The following RNGTT variants were observed in gnomAD, a reference collection of about 807,000 sequenced individuals.
The protein encoded by RNGTT is mRNA-capping enzyme.
In RNGTT, 33 loss-of-function variants were observed where a neutral mutation model predicts 79.3. The ratio of observed to expected loss-of-function variants is 0.42; its 90% confidence interval spans 0.32 to 0.56. The LOEUF (loss-of-function observed/expected upper bound fraction) is 0.56. RNGTT is among the 20% of genes least tolerant of loss of function. The probability of loss-of-function intolerance (pLI) is 0.17; values close to 1 mark genes in which losing one functional copy is unlikely to be tolerated. For missense variants in RNGTT, 497 were observed against 739.1 expected (o/e 0.67, Z 3.80); for synonymous variants, 222 against 235.9 (o/e 0.94, Z 0.54).
intron 11 of RNGTT, 101 bp downstream of exon 11, chr6:88,844,256 A>G: frequency 8.8e-7 from 1 of 1,141,536 alleles, no homozygotes; most frequent in Admixed American, 2.4e-5. Flanking sequence ...ATTTTCTGAC[A>G]AAGTCAAGAC....
chr6:88,700,559 A>T (rs1186086748), intron 13 of RNGTT, among the ~76,000 whole-genome samples: 1 of 152,152 alleles, frequency 6.6e-6, no homozygotes, highest in African/African-American at 2.4e-5. Flanking sequence ...AAGGTCAGGA[A>T]AGGTTATTAT....
At chr6:88,926,947 G>GA (rs1333446477) in intron 4 of RNGTT, among the ~76,000 whole-genome samples, 1 of 152,086 alleles carries the variant, frequency 6.6e-6, no homozygotes, top group African/African-American at 2.4e-5. Flanking sequence ...GAAAGTTGCT[G>GA]ATGTTTTCTT....
intron 11 of RNGTT, among the ~76,000 whole-genome samples, chr6:88,822,808 C>T (rs1780536408): frequency 6.6e-6 from 1 of 152,156 alleles, no homozygotes. Flanking sequence ...ATTTATAATA[C>T]AGTGATTTAA....
chr6:88,653,774 A>G (rs1582283815), intron 14 of RNGTT, among the ~76,000 whole-genome samples: 1 of 152,368 alleles, frequency 6.6e-6, no homozygotes, highest in South Asian at 2.1e-4. Flanking sequence ...TTCTTCAATT[A>G]TAATGTTAAG....
At chr6:88,678,786 C>A (rs1774980688) in intron 13 of RNGTT, among the ~76,000 whole-genome samples, 1 of 151,732 alleles carries the variant, frequency 6.6e-6, no homozygotes, top group South Asian at 2.1e-4. Flanking sequence ...ATAACGAGAC[C>A]CCATCTCAAA....
intron 13 of RNGTT, among the ~76,000 whole-genome samples, chr6:88,738,807 A>G (rs1212975808): frequency 2.0e-5 from 3 of 151,378 alleles, no homozygotes; most frequent in Non-Finnish European, 4.4e-5. Context: ...TAAATTTAAA[A>G]CTGTTCTGGA....
chr6:88,923,989 G>A (rs1004347936), intron 4 of RNGTT, among the ~76,000 whole-genome samples: 1 of 152,190 alleles, frequency 6.6e-6, no homozygotes, highest in Non-Finnish European at 1.5e-5. Context: ...GGAGAGGAAG[G>A]GGAAGCCACC....
intron 11 of RNGTT, among the ~76,000 whole-genome samples, chr6:88,809,168 G>A (rs1780055129): frequency 6.6e-6 from 1 of 152,034 alleles, no homozygotes; most frequent in African/African-American, 2.4e-5. Context: ...TACTGACAAA[G>A]GGGGTCAATT....
chr6:88,769,362 G>C (rs1778572872), intron 13 of RNGTT, among the ~76,000 whole-genome samples: 1 of 151,894 alleles, frequency 6.6e-6, no homozygotes, highest in Non-Finnish European at 1.5e-5. Context: ...GTTTCGTCAT[G>C]TTGCCCAGGC....
At chr6:88,729,841 CAG>C (rs959741037) in intron 13 of RNGTT, among the ~76,000 whole-genome samples, 2 of 152,294 alleles carry the variant, frequency 1.3e-5, no homozygotes, top group East Asian at 3.9e-4. Context: ...GCCAACAACT[CAG>C]GGGTAAATGA....
At position 88,678,931 on chromosome 6, in the gene RNGTT, G is replaced by A. The variant is rs183391030; in HGVS notation, c.1440-512C>T. Among the ~76,000 whole-genome samples the A allele has an allele frequency of 1.7e-3, 260 of 152,218 alleles. 3 individuals carry two copies. In the South Asian group the frequency reaches 0.021, roughly 12 times the overall value. The stretch of plus-strand genomic sequence containing the variant: ...GCATGAGTCCACTTATACAGGGATC[G>A]TTTTTCAATAAAAGTTACACTGAGT... On this transcript the variant is annotated intron_variant, in intron 13 of 15. Transcript: ENST00000369485.
chr6:88,765,874 T>C (rs1778443379), intron 13 of RNGTT, among the ~76,000 whole-genome samples: 1 of 151,870 alleles, frequency 6.6e-6, no homozygotes, highest in Admixed American at 6.6e-5. Flanking sequence ...TTATGACAAA[T>C]TACACAAAAA....
rs186199757 is a variant in RNGTT, at chr6:88,820,875, G to T, written c.1270-19243C>A. Among the ~76,000 whole-genome samples the T allele has an allele frequency of 4.6e-5, 7 of 152,214 alleles. No homozygotes were observed. The East Asian group carries it at 1.3e-3, about 29-fold the overall frequency. On this transcript the variant is annotated intron_variant, in intron 11 of 15. Transcript: ENST00000369485. Reference sequence around the variant, plus strand: ...AAGACTCAATATTGTCAAGATGTCAGTCTTCCCAATTTGATCTACAGATTC... The same window carrying T: ...AAGACTCAATATTGTCAAGATGTCATTCTTCCCAATTTGATCTACAGATTC...
At chr6:88,749,557 A>G (rs914781417) in intron 13 of RNGTT, among the ~76,000 whole-genome samples, 4 of 152,046 alleles carry the variant, frequency 2.6e-5, no homozygotes, top group African/African-American at 9.7e-5. Context: ...ACAAAATAAG[A>G]TGGCAAAAAT....
chr6:88,676,209 A>C (rs1016256512), intron 14 of RNGTT, among the ~76,000 whole-genome samples: 2 of 152,216 alleles, frequency 1.3e-5, no homozygotes, highest in Non-Finnish European at 2.9e-5. Flanking sequence ...AGGAATAAAC[A>C]CATAGGTCAA....
chr6:88,713,532 G>A (rs1384950716), intron 13 of RNGTT, among the ~76,000 whole-genome samples: 6 of 152,076 alleles, frequency 3.9e-5, no homozygotes, highest in Non-Finnish European at 7.4e-5. Context: ...TGGTAGCATC[G>A]ATAGTTTATA....
chr6:88,812,668 C>T (rs1398755713), intron 11 of RNGTT, among the ~76,000 whole-genome samples: 6 of 152,150 alleles, frequency 3.9e-5, no homozygotes, highest in Admixed American at 2.6e-4. Context: ...TACAGTAAGA[C>T]GGACGCGTGA....
intron 13 of RNGTT, among the ~76,000 whole-genome samples, chr6:88,764,690 A>G (rs1374322447): frequency 2.0e-5 from 3 of 152,140 alleles, no homozygotes; most frequent in African/African-American, 7.2e-5. Context: ...TCACCATGCT[A>G]TGTACTAAGA....
intron 13 of RNGTT, among the ~76,000 whole-genome samples, chr6:88,757,287 T>C (rs1394492268): frequency 6.6e-6 from 1 of 152,134 alleles, no homozygotes; most frequent in African/African-American, 2.4e-5. Context: ...GCAGGACAGG[T>C]AGTATTAGTA....
Sources: gnomAD v4.1 joint callset for allele counts (sites outside exome capture counted in the v4.1 genomes callset) on GRCh38, gnomAD v4.1.1 for gene constraint, MANE v1.5 for transcripts, NCBI Gene and HGNC (gene_info 2026-07-23, HGNC 2026-07-21) for gene names.